SNRNP48: variants seen among roughly 807,000 people sequenced by gnomAD.
SNRNP48 encodes the protein U11/U12 small nuclear ribonucleoprotein 48 kDa protein.
A neutral mutation model predicts 47.0 loss-of-function variants in SNRNP48; 43 were observed. The ratio of observed to expected loss-of-function variants is 0.92; its 90% CI spans 0.72 to 1.18. The LOEUF is 1.18. SNRNP48 is among the 50% of genes most tolerant of loss of function. The pLI is 0.00. For synonymous variants in SNRNP48, 138 were observed against 144.0 expected, an observed-to-expected ratio of 0.96 and a Z score of 0.30; for missense variants, 396 against 422.2, an observed-to-expected ratio of 0.94 and a Z score of 0.54.
At chr6:7,601,235 A>T in intron 4 of SNRNP48, 101 bp from the exon 5 acceptor site, 2 of 904,768 alleles carry the variant, frequency 2.2e-6, no homozygotes, top group Non-Finnish European at 3.2e-6. Context: ...AGTTTGTGTT[A>T]ATATTGCATT....
In SNRNP48 at chr6:7,606,234, A is replaced by G. The variant is rs762203715; in HGVS notation, c.971+39A>G. ...TGCATCATCCAACGTTGAATTCTGT[A>G]CTTTTTAAAAATAGAACAGGTTCTT... On this transcript the variant is annotated intron_variant, in intron 8 of 8. Coordinates refer to ENST00000342415, the MANE Select transcript of SNRNP48 (RefSeq NM_152551.4). 1.0e-5 allele frequency: 16 copies of G among 1,544,190 alleles called. No homozygotes were observed. The African/African-American group carries it at 2.1e-4, about 20-fold the overall frequency.
At chr6:7,604,158 G>A (rs963756549) in intron 6 of SNRNP48, among the ~76,000 whole-genome samples, 14 of 152,218 alleles carry the variant, frequency 9.2e-5, no homozygotes, top group African/African-American at 2.9e-4. Flanking sequence ...GCTTCAAGGC[G>A]CTTACATAGA....
intron 3 of SNRNP48, among the ~76,000 whole-genome samples, chr6:7,594,602 A>C (rs1428931815): frequency 1.3e-5 from 2 of 152,210 alleles, no homozygotes; most frequent in Non-Finnish European, 2.9e-5. Flanking sequence ...TTTGTTGCCT[A>C]AATTTCTTTA....
chr6:7,594,086 T>G lies in SNRNP48; in HGVS notation c.271-13T>G. On this transcript the variant is annotated splice_polypyrimidine_tract_variant and intron_variant, in intron 2 of 8. Coordinates refer to ENST00000342415, the MANE Select transcript of SNRNP48 (RefSeq NM_152551.4). Reference sequence around the variant, plus strand: ...ATCTGATACTTAAGAACAGTAAGATTCTTTTTTTTCAGGATGAAATGTATA... The same window carrying G: ...ATCTGATACTTAAGAACAGTAAGATGCTTTTTTTTCAGGATGAAATGTATA... 1 of 1,396,554 alleles carries G rather than the reference T, an allele frequency of 7.2e-7. No homozygotes were observed. The highest frequency in any genetic ancestry group is 9.7e-7 in the Non-Finnish European group (1 of 1,030,790). The allele number at this position is 1,396,554 out of a possible 1,614,324, so 86.5% of individuals were successfully genotyped here.
At chr6:7,596,104 A>G (rs2113715733) in intron 4 of SNRNP48, among the ~76,000 whole-genome samples, 1 of 152,294 alleles carries the variant, frequency 6.6e-6, no homozygotes, top group East Asian at 1.9e-4. Flanking sequence ...TCTTTACTAA[A>G]AAATGCAAAA....
In SNRNP48 at chr6:7,608,845, G is replaced by A. The variant is rs1251589083; in HGVS notation, c.992G>A (p.Ser331Asn). 3.3e-6 allele frequency: 5 copies of A among 1,522,648 alleles called. No individual in the cohort carries two copies. Among genetic ancestry groups the A allele is most frequent in the Admixed American group, 2.0e-5 (1 of 51,254 alleles). The allele number at this position is 1,522,648 out of a possible 1,614,324, so 94.3% of individuals were successfully genotyped here. A position where few individuals can be genotyped will look rare whatever the true frequency, so the allele number is the denominator to read the frequency against. The change falls in exon 9 of 9, where the codon AGT becomes AAT. Residue 331 changes from serine to asparagine, a missense_variant. Transcript: ENST00000342415. ...RKERDGERHHSHKRRKQKI is the reference protein window; with the variant it reads ...RKERDGERHHNHKRRKQKI ...TTCAGGGATGGGGAAAGACACCATA[G>A]TCATAAAAGAAGAAAGCAAAAAATA...
Position 7,609,251 on chromosome 6 carries a change from C to T in SNRNP48, c.*378C>T, listed in dbSNP as rs566227714. On this transcript the variant is annotated 3_prime_UTR_variant, in exon 9 of 9. Coordinates refer to ENST00000342415, the MANE Select transcript of SNRNP48 (RefSeq NM_152551.4). ...TAAATAAGGCTAATAACCCTTAGAA[C>T]ACCACCTGCGGTTCTGTCCTCACCC... 6.5e-6 allele frequency: 1 copy of T among 153,484 alleles called. No homozygotes were observed. The highest frequency in any genetic ancestry group is 2.1e-4 in the South Asian group (1 of 4,832). The allele number at this position is 153,484 out of a possible 1,614,324, so 9.5% of individuals were successfully genotyped here. A position where few individuals can be genotyped will look rare whatever the true frequency, so the allele number is the denominator to read the frequency against.
rs1346471441 is a variant in SNRNP48 at position 7,601,532 on chromosome 6, A to T, written c.595+8A>T. On this transcript the variant is annotated splice_region_variant and intron_variant, in intron 5 of 8. Transcript: ENST00000342415. ...CTGCCAAAATCAATCAAGGTTTGAGATGCACATCATGGCTTTACATTTCTT... is the reference window on the plus strand; with the variant it reads ...CTGCCAAAATCAATCAAGGTTTGAGTTGCACATCATGGCTTTACATTTCTT... 6.4e-7 allele frequency: 1 copy of T among 1,564,784 alleles called. No individual in the cohort carries two copies. Among genetic ancestry groups the T allele is most frequent in the South Asian group, 1.2e-5 (1 of 83,240 alleles).
rs1760118761 is a variant in SNRNP48 at position 7,606,025 on chromosome 6, T to C, written c.807-6T>C. On this transcript the variant is annotated splice_polypyrimidine_tract_variant and splice_region_variant and intron_variant, in intron 7 of 8. Transcript: ENST00000342415. ...AAACTGATTAACATTCTTTTCTGTG[T>C]TTTAGGAATGAAGAAAGGCGATCAG... 6.3e-7 allele frequency: 1 copy of C among 1,593,892 alleles called. No homozygotes were observed. The highest frequency in any genetic ancestry group is 1.4e-5 in the African/African-American group (1 of 73,360).
At chr6:7,597,389 GACTA>G (rs1230592860) in intron 4 of SNRNP48, among the ~76,000 whole-genome samples, 1 of 152,196 alleles carries the variant, frequency 6.6e-6, no homozygotes, top group Non-Finnish European at 1.5e-5. Flanking sequence ...TACTAATCGT[GACTA>G]TCAGTGCTGT....
intron 1 of SNRNP48, among the ~76,000 whole-genome samples, chr6:7,591,218 A>G (rs984700834): frequency 3.3e-5 from 5 of 152,180 alleles, no homozygotes; most frequent in Non-Finnish European, 7.3e-5. Context: ...GACAGCACCA[A>G]TTCTAGGATT....
chr6:7,603,962 G>T (rs1404975165), intron 6 of SNRNP48, among the ~76,000 whole-genome samples: 1 of 152,188 alleles, frequency 6.6e-6, no homozygotes, highest in Non-Finnish European at 1.5e-5. Context: ...TACTAAAGTG[G>T]ATAGCATCGT....
rs539265201 is a variant in SNRNP48 at position 7,599,475 on chromosome 6, T to C, written c.407-1861T>C. Among the ~76,000 whole-genome samples, 3 of 152,232 alleles carry C rather than the reference T, an allele frequency of 2.0e-5. No individual in the cohort carries two copies. The South Asian group carries it at 6.2e-4, about 32-fold the overall frequency. ...CCTGCAAAAACAGGCAGCCAAAGGG[T>C]CTTAGAGTTATTATAATTACAGCAC... On this transcript the variant is annotated intron_variant, in intron 4 of 8. Coordinates refer to ENST00000342415, the MANE Select transcript of SNRNP48 (RefSeq NM_152551.4).
At chr6:7,601,565 AT>A in intron 5 of SNRNP48, 41 bp downstream of exon 5, 1 of 1,480,040 alleles carries the variant, frequency 6.8e-7, no homozygotes, top group Non-Finnish European at 9.0e-7. Flanking sequence ...CTTCATTATC[AT>A]TTTATTCTAT....
rs889340628 is a variant in SNRNP48 at position 7,609,947 on chromosome 6, G to C, written c.*1074G>C. 3 of 151,954 alleles carry C rather than the reference G, an allele frequency of 2.0e-5. No individual in the cohort carries two copies. Among genetic ancestry groups the C allele is most frequent in the Admixed American group, 6.6e-5 (1 of 15,250 alleles). 9.4% of individuals were successfully genotyped at this position (151,954 alleles called of 1,614,324 possible). A position where few individuals can be genotyped will look rare whatever the true frequency, so the allele number is the denominator to read the frequency against. ...CTACCCCTAGCCCTAGGCAGCCACAGATTTGCTTTTGGTTACCGATTAGAT... is the reference window on the plus strand; with the variant it reads ...CTACCCCTAGCCCTAGGCAGCCACACATTTGCTTTTGGTTACCGATTAGAT... On this transcript the variant is annotated 3_prime_UTR_variant, in exon 9 of 9. Transcript: ENST00000342415.
At chr6:7,591,800 G>A (rs901378818) in intron 1 of SNRNP48, among the ~76,000 whole-genome samples, 3 of 152,194 alleles carry the variant, frequency 2.0e-5, no homozygotes, top group Admixed American at 1.3e-4. Flanking sequence ...ATAATTTGTC[G>A]AAGGATACAC....
intron 4 of SNRNP48, among the ~76,000 whole-genome samples, chr6:7,596,189 C>A (rs535460792): frequency 5.9e-5 from 9 of 152,170 alleles, no homozygotes; most frequent in Admixed American, 5.9e-4. Context: ...TTGCTTGAAC[C>A]CAGGAGGCGG....
chr6:7,604,429 C>A (rs934401014), intron 6 of SNRNP48, among the ~76,000 whole-genome samples: 3 of 152,144 alleles, frequency 2.0e-5, no homozygotes, highest in African/African-American at 7.2e-5. Flanking sequence ...TAGGGCTTCT[C>A]TGTTGAGAGA....
chr6:7,606,608 C>T (rs919952501), intron 8 of SNRNP48, among the ~76,000 whole-genome samples: 1 of 152,164 alleles, frequency 6.6e-6, no homozygotes, highest in African/African-American at 2.4e-5. Context: ...TCAGAGAGAA[C>T]ATCTAAATTT....
Sources: allele counts gnomAD v4.1 joint callset (sites outside exome capture counted in the v4.1 genomes callset), GRCh38; gene constraint gnomAD v4.1.1; transcripts MANE v1.5; gene names NCBI Gene and HGNC (gene_info 2026-07-23, HGNC 2026-07-21).